AFG1L: variants seen among roughly 807,000 people sequenced by gnomAD.
AFG1L encodes AFG1 like ATPase, also known as AFG1-like ATPase.
In AFG1L, 53 loss-of-function variants were observed where a neutral mutation model predicts 62.2. That is an observed-to-expected ratio of 0.85 (90% CI 0.68 to 1.07). The LOEUF is 1.07. Among genes scored for constraint, AFG1L ranks in the 50% least tolerant of loss-of-function variants. The pLI is 0.00. For synonymous variants in AFG1L, 228 were observed against 210.3 expected (o/e 1.08, Z -0.73); for missense variants, 555 against 590.5 (o/e 0.94, Z 0.62).
At chr6:108,314,744 G>A (rs1187476010) in intron 1 of AFG1L, among the ~76,000 whole-genome samples, 1 of 152,070 alleles carries the variant, frequency 6.6e-6, no homozygotes. Flanking sequence ...AATAAAAAAA[G>A]GAAATCAAAA....
intron 10 of AFG1L, among the ~76,000 whole-genome samples, chr6:108,500,393 C>T (rs539800495): frequency 2.0e-5 from 3 of 152,096 alleles, no homozygotes; most frequent in East Asian, 3.9e-4. Context: ...AACTACATAT[C>T]GATGCTGCCA....
chr6:108,332,564 C>G (rs772193363), intron 2 of AFG1L, among the ~76,000 whole-genome samples: 2 of 152,126 alleles, frequency 1.3e-5, no homozygotes, highest in Non-Finnish European at 2.9e-5. Flanking sequence ...AACTTTAGAA[C>G]TTCTTGAAGA....
intron 7 of AFG1L, among the ~76,000 whole-genome samples, chr6:108,446,491 CTTTTTT>C (rs1184074963): frequency 8.2e-5 from 10 of 122,292 alleles, no homozygotes; most frequent in Admixed American, 3.4e-4. Flanking sequence ...CTCTCTCTCT[CTTTTTT>C]TTTTTTTTTT....
chr6:108,512,755 A>T (rs1456774861), intron 11 of AFG1L, among the ~76,000 whole-genome samples: 1 of 152,052 alleles, frequency 6.6e-6, no homozygotes, highest in African/African-American at 2.4e-5. Flanking sequence ...AATATGATAG[A>T]ATATTCAAAC....
chr6:108,363,136 T>G (rs948401218), intron 5 of AFG1L, among the ~76,000 whole-genome samples: 17 of 152,226 alleles, frequency 1.1e-4, no homozygotes, highest in Non-Finnish European at 2.5e-4. Context: ...TAAGGAATTT[T>G]AAAGATTATG....
intron 7 of AFG1L, among the ~76,000 whole-genome samples, chr6:108,409,583 A>G (rs1782014461): frequency 6.6e-6 from 1 of 152,200 alleles, no homozygotes; most frequent in African/African-American, 2.4e-5. Flanking sequence ...AAGAGAAATT[A>G]AAGTAGTCAT....
chr6:108,337,736 G>A (rs1778526082), intron 2 of AFG1L, among the ~76,000 whole-genome samples: 1 of 152,000 alleles, frequency 6.6e-6, no homozygotes. Flanking sequence ...ATATATTATG[G>A]GTAGTAACAA....
chr6:108,328,493 C>G (rs1778144844), intron 2 of AFG1L, among the ~76,000 whole-genome samples: 1 of 152,124 alleles, frequency 6.6e-6, no homozygotes, highest in African/African-American at 2.4e-5. Flanking sequence ...CTCCCGGGCT[C>G]CAGCAAGCCT....
intron 7 of AFG1L, among the ~76,000 whole-genome samples, chr6:108,426,904 G>A (rs928677166): frequency 1.3e-5 from 2 of 151,798 alleles, no homozygotes; most frequent in Non-Finnish European, 2.9e-5. Context: ...AATTTAGTTT[G>A]TATCTTTTCA....
At chr6:108,470,452 G>C (rs1052795345) in intron 8 of AFG1L, among the ~76,000 whole-genome samples, 1 of 152,210 alleles carries the variant, frequency 6.6e-6, no homozygotes, top group Non-Finnish European at 1.5e-5. Flanking sequence ...CCTAGTGGCT[G>C]TTGGCACTAG....
chr6:108,458,818 G>A (rs187335948), intron 8 of AFG1L, among the ~76,000 whole-genome samples: 172 of 151,080 alleles, frequency 1.1e-3, no homozygotes, highest in African/African-American at 3.9e-3. Flanking sequence ...TTTTTATTGT[G>A]TTTCAGATAC....
intron 11 of AFG1L, among the ~76,000 whole-genome samples, chr6:108,518,028 A>G (rs1774972181): frequency 6.6e-6 from 1 of 152,218 alleles, no homozygotes; most frequent in Admixed American, 6.5e-5. Context: ...GGATGTGGAG[A>G]AATAGGAACA....
chr6:108,399,866 C>T (rs1192032505), intron 6 of AFG1L, among the ~76,000 whole-genome samples: 2 of 148,162 alleles, frequency 1.3e-5, no homozygotes, highest in African/African-American at 5.0e-5. Flanking sequence ...GCAGCCTCTG[C>T]CTCCCAGGCT....
chr6:108,497,200 C>G (rs1348292558), intron 10 of AFG1L, among the ~76,000 whole-genome samples: 2 of 152,128 alleles, frequency 1.3e-5, no homozygotes, highest in Non-Finnish European at 2.9e-5. Context: ...ATTTGCTCTT[C>G]CAGCAGCGAT....
At chr6:108,477,724 T>C (rs1391631629) in intron 10 of AFG1L, among the ~76,000 whole-genome samples, 1 of 152,216 alleles carries the variant, frequency 6.6e-6, no homozygotes. Context: ...TGCCATAACA[T>C]TGGACCTACT....
intron 8 of AFG1L, among the ~76,000 whole-genome samples, chr6:108,450,373 T>C (rs1280003974): frequency 1.3e-5 from 2 of 152,258 alleles, no homozygotes; most frequent in Non-Finnish European, 2.9e-5. Flanking sequence ...CATTTTTTCA[T>C]GTGTCTGTTG....
chr6:108,466,864 T>G (rs1270953684), intron 8 of AFG1L, among the ~76,000 whole-genome samples: 1 of 151,456 alleles, frequency 6.6e-6, no homozygotes, highest in East Asian at 1.9e-4. Context: ...AGCAGACAAA[T>G]GCACCCATCA....
At chr6:108,433,757 T>C (rs1406312552) in intron 7 of AFG1L, among the ~76,000 whole-genome samples, 1 of 152,044 alleles carries the variant, frequency 6.6e-6, no homozygotes, top group Non-Finnish European at 1.5e-5. Context: ...CATGTCTGGC[T>C]AATTTTTGTA....
chr6:108,480,889 G>A (rs1773299609), intron 10 of AFG1L, among the ~76,000 whole-genome samples: 1 of 152,224 alleles, frequency 6.6e-6, no homozygotes, highest in Admixed American at 6.5e-5. Flanking sequence ...AGAATTTTAT[G>A]GAGCATGAAG....
Sources: gnomAD v4.1 joint callset for allele counts (sites outside exome capture counted in the v4.1 genomes callset) on GRCh38, gnomAD v4.1.1 for gene constraint, MANE v1.5 for transcripts, NCBI Gene and HGNC (gene_info 2026-07-23, HGNC 2026-07-21) for gene names.